The following IL12RB2 variants were observed in gnomAD, a reference collection of about 807,000 sequenced individuals.
The protein encoded by IL12RB2 is interleukin-12 receptor subunit beta-2.
Under a neutral mutation model 89.4 loss-of-function variants are expected in IL12RB2, and 82 were observed. The ratio of observed to expected loss-of-function variants is 0.92; its 90% CI spans 0.77 to 1.10. IL12RB2 has a LOEUF of 1.10. IL12RB2 is among the 50% of genes least tolerant of loss of function. The pLI, the probability that IL12RB2 is intolerant of heterozygous loss-of-function variation, is 0.00. For missense variants in IL12RB2, 963 were observed against 1,031.9 expected, an observed-to-expected ratio of 0.93 and a Z score of 0.92; for synonymous variants, 368 against 370.1, an observed-to-expected ratio of 0.99 and a Z score of 0.07.
chr1:67,393,261 A>G (rs1666019141), intron 16 of IL12RB2, among the ~76,000 whole-genome samples: 1 of 152,186 alleles, frequency 6.6e-6, no homozygotes. Flanking sequence ...GAAAAGGCCA[A>G]ATCATAAAGG....
chr1:67,392,369 G>A lies in IL12RB2; in HGVS notation c.2046+2241G>A, dbSNP rs535883452. On this transcript the variant is annotated intron_variant, in intron 16 of 16. Transcript: ENST00000674203. The stretch of plus-strand genomic sequence containing the variant: ...CTAAAAAAATGACATAGATCTATAT[G>A]TGCCTAAAGATCTACAAGATACTTA... Among the ~76,000 whole-genome samples, 20 of 152,256 alleles carry A rather than the reference G, an allele frequency of 1.3e-4. No individual in the cohort carries two copies. The South Asian group carries it at 3.1e-3, about 24-fold the overall frequency.
intron 8 of IL12RB2, among the ~76,000 whole-genome samples, chr1:67,334,874 G>A (rs1462996429): frequency 1.3e-5 from 2 of 152,368 alleles, no homozygotes; most frequent in Admixed American, 6.5e-5. Flanking sequence ...CCCATGGGCC[G>A]TAGTTTGCTG....
intron 9 of IL12RB2, among the ~76,000 whole-genome samples, chr1:67,345,278 C>G (rs187330443): frequency 1.3e-5 from 2 of 152,220 alleles, no homozygotes; most frequent in African/African-American, 4.8e-5. Flanking sequence ...TACCCTCAAA[C>G]CACAGAAGAT....
intron 6 of IL12RB2, among the ~76,000 whole-genome samples, 191 bp from the exon 7 acceptor site, chr1:67,329,396 G>T (rs1324127130): frequency 6.6e-6 from 1 of 152,194 alleles, no homozygotes; most frequent in Non-Finnish European, 1.5e-5. Flanking sequence ...TAAAGATTCA[G>T]AAGTGAATCC....
chr1:67,312,906 T>C (rs1655271530), intron 1 of IL12RB2, among the ~76,000 whole-genome samples: 1 of 152,216 alleles, frequency 6.6e-6, no homozygotes, highest in Admixed American at 6.5e-5. Flanking sequence ...GTGTTAAATT[T>C]GGCTCATGTA....
At chr1:67,367,558 A>C (rs1662844071) in intron 10 of IL12RB2, among the ~76,000 whole-genome samples, 1 of 151,946 alleles carries the variant, frequency 6.6e-6, no homozygotes, top group African/African-American at 2.4e-5. Flanking sequence ...AAGGGAAGGA[A>C]GGAAAAGTAA....
chr1:67,341,075 A>T (rs368712729), intron 9 of IL12RB2, among the ~76,000 whole-genome samples: 4 of 152,200 alleles, frequency 2.6e-5, no homozygotes, highest in African/African-American at 9.7e-5. Flanking sequence ...TGGGCCCAAG[A>T]AGGATGCTTG....
Position 67,364,372 on chromosome 1 carries a change from C to G in IL12RB2, c.1259-3453C>G, listed in dbSNP as rs528246656. On this transcript the variant is annotated intron_variant, in intron 10 of 16. Coordinates refer to ENST00000674203, the MANE Select transcript of IL12RB2 (RefSeq NM_001374259.2). ...CACCACTGCACTCCAGCCTGTGAGA[C>G]AGAGGGAGACTCTATCTCAAAATAA... is the stretch of plus-strand genomic sequence containing the variant. 2.2e-4 allele frequency among the ~76,000 whole-genome samples: 34 copies of G among 152,214 alleles called. 2 individuals carry two copies. The South Asian group carries it at 6.9e-3, about 31-fold the overall frequency.
At chr1:67,321,047 C>T (rs979828986) in intron 3 of IL12RB2, among the ~76,000 whole-genome samples, 1 of 151,640 alleles carries the variant, frequency 6.6e-6, no homozygotes, top group Non-Finnish European at 1.5e-5. Flanking sequence ...TCCTGCCTCC[C>T]GCCGTCCACA....
chr1:67,340,318 A>C (rs942842519), intron 9 of IL12RB2, among the ~76,000 whole-genome samples: 4 of 152,246 alleles, frequency 2.6e-5, no homozygotes, highest in Admixed American at 2.0e-4. Flanking sequence ...CATTTAGAAC[A>C]GCCATAATTT....
rs1162528339 is a variant in IL12RB2 at position 67,396,957 on chromosome 1, C to G, written c.*868C>G. On this transcript the variant is annotated 3_prime_UTR_variant, in exon 17 of 17. Coordinates refer to ENST00000674203, the MANE Select transcript of IL12RB2 (RefSeq NM_001374259.2). ...ACCATTCTGGCTAACATGGTGAAAC[C>G]CCATCTCTACTAAAAATATTTTTAA... 6.6e-6 allele frequency: 1 copy of G among 151,766 alleles called. No individual in the cohort carries two copies. The highest frequency in any genetic ancestry group is 1.5e-5 in the Non-Finnish European group (1 of 67,986). The allele number at this position is 151,766 out of a possible 1,614,324, so 9.4% of individuals were successfully genotyped here. A position where few individuals can be genotyped will look rare whatever the true frequency, so the allele number is the denominator to read the frequency against.
intron 9 of IL12RB2, among the ~76,000 whole-genome samples, chr1:67,345,468 GCCT>G (rs1035153086): frequency 7.2e-5 from 11 of 152,064 alleles, no homozygotes; most frequent in Non-Finnish European, 1.2e-4. Flanking sequence ...GAATTCTTTG[GCCT>G]CCTCATATGA....
In IL12RB2 at chr1:67,330,723, G is replaced by A. The variant is rs1191108706; in HGVS notation, c.871G>A (p.Glu291Lys). Reference protein sequence around the residue: ...LLDLKPFTEYEFQISSKLHLY... With the variant: ...LLDLKPFTEYKFQISSKLHLY... ...GGATCTGAAACCATTTACAGAATAT[G>A]AATTTCAGATTTCCTCTAAGCTACA... Residue 291 changes from glutamate (E) to lysine (K), a missense_variant, in exon 8 of 17, where the codon GAA becomes AAA. Glu to Lys is a moderately conservative substitution (Grantham distance 56). Transcript: ENST00000674203. The A allele has an allele frequency of 3.9e-6, 6 of 1,525,010 alleles. No homozygotes were observed. Among genetic ancestry groups the A allele is most frequent in the Non-Finnish European group, 5.5e-6 (6 of 1,098,966 alleles). The allele number at this position is 1,525,010 out of a possible 1,614,324, so 94.5% of individuals were successfully genotyped here.
intron 4 of IL12RB2, among the ~76,000 whole-genome samples, chr1:67,326,253 T>C (rs1350197416): frequency 8.5e-5 from 13 of 152,124 alleles, no homozygotes; most frequent in Admixed American, 3.9e-4. Flanking sequence ...TAAAAGAAAT[T>C]AATTTATTAT....
chr1:67,318,741 C>T (rs919888263), intron 2 of IL12RB2, among the ~76,000 whole-genome samples: 15 of 152,058 alleles, frequency 9.9e-5, no homozygotes, highest in Admixed American at 9.2e-4. Context: ...ATCTGTTAGA[C>T]ATCTAAGAGG....
At chr1:67,327,423 C>T (rs1657484016) in intron 5 of IL12RB2, among the ~76,000 whole-genome samples, 1 of 152,202 alleles carries the variant, frequency 6.6e-6, no homozygotes, top group Non-Finnish European at 1.5e-5. Context: ...CTCTTCAGTG[C>T]ATCCAAGATC....
chr1:67,330,762 A>G lies in IL12RB2; in HGVS notation c.910A>G (p.Ser304Gly). The G allele has an allele frequency of 1.3e-6, 2 of 1,566,814 alleles. No individual in the cohort carries two copies. The highest frequency in any genetic ancestry group is 1.8e-6 in the Non-Finnish European group (2 of 1,137,038). The change falls in exon 8 of 17, where the codon AGT becomes GGT. Residue 304 changes from serine to glycine, a missense_variant. Physicochemically the swap from Ser to Gly is moderately conservative, Grantham distance 56 (BLOSUM62 0). Coordinates refer to ENST00000674203, the MANE Select transcript of IL12RB2 (RefSeq NM_001374259.2). Reference sequence around the variant, plus strand: ...CTCTAAGCTACATCTTTATAAGGGAAGTTGGAGTGATTGGAGTGAATCATT... The same window carrying G: ...CTCTAAGCTACATCTTTATAAGGGAGGTTGGAGTGATTGGAGTGAATCATT... ...ISSKLHLYKG[S>G]WSDWSESLRA... is the part of the protein sequence containing the mutation.
chr1:67,372,769 A>G lies in IL12RB2; in HGVS notation c.1703A>G (p.Gln568Arg). 1 of 1,608,760 alleles carries G rather than the reference A, an allele frequency of 6.2e-7. No homozygotes were observed. The highest frequency in any genetic ancestry group is 8.5e-7 in the Non-Finnish European group (1 of 1,175,124). ...TGGAAGGAACGGGACTCCAACTCCC[A>G]GCCTCAGCTCTGTGGTATGTGTGAG... ...IYWKERDSNSQPQLCEIPYRV... is the reference protein window; with the variant it reads ...IYWKERDSNSRPQLCEIPYRV... Residue 568 changes from glutamine to arginine, a missense_variant, in exon 13 of 17, where the codon CAG becomes CGG. Physicochemically the swap from Gln to Arg is conservative, Grantham distance 43 (BLOSUM62 1). Transcript: ENST00000674203.
At chr1:67,319,586 T>C (rs1035505199) in intron 2 of IL12RB2, among the ~76,000 whole-genome samples, 3 of 152,140 alleles carry the variant, frequency 2.0e-5, no homozygotes, top group Non-Finnish European at 4.4e-5. Flanking sequence ...GTCAAACTAC[T>C]CTGTATGGTA....
Sources: gnomAD v4.1 joint callset for allele counts (sites outside exome capture counted in the v4.1 genomes callset) on GRCh38, gnomAD v4.1.1 for gene constraint, MANE v1.5 for transcripts, NCBI Gene and HGNC (gene_info 2026-07-23, HGNC 2026-07-21) for gene names.